The following DPP6 variants were observed in gnomAD, a reference collection of about 807,000 sequenced individuals.
DPP6 encodes A-type potassium channel modulatory protein DPP6.
In DPP6, 69 loss-of-function variants were observed where a neutral mutation model predicts 122.6. The ratio of observed to expected loss-of-function variants is 0.56; its 90% CI spans 0.46 to 0.69. DPP6 has a LOEUF of 0.69. DPP6 is among the 30% of genes least tolerant of loss of function. The pLI, the probability that DPP6 is intolerant of heterozygous loss-of-function variation, is 0.00. For synonymous variants in DPP6, 418 were observed against 433.1 expected (o/e 0.97, Z 0.43); for missense variants, 928 against 1,116.9 (o/e 0.83, Z 2.41).
chr7:153,915,321 C>T (rs575991275), intron 1 of DPP6, among the ~76,000 whole-genome samples: 1 of 152,268 alleles, frequency 6.6e-6, no homozygotes, highest in Admixed American at 6.5e-5. Flanking sequence ...ATGACACCCC[C>T]AGTCCCTAGC....
chr7:154,112,240 T>C (rs944170219), intron 1 of DPP6, among the ~76,000 whole-genome samples: 1 of 152,118 alleles, frequency 6.6e-6, no homozygotes, highest in Non-Finnish European at 1.5e-5. Context: ...AGTGACTTTC[T>C]GTGAAAGAGA....
At chr7:154,150,357 C>T (rs925009442) in intron 1 of DPP6, among the ~76,000 whole-genome samples, 5 of 152,180 alleles carry the variant, frequency 3.3e-5, no homozygotes, top group African/African-American at 1.2e-4. Context: ...GAAACCAATC[C>T]TGGGAGCACA....
At chr7:154,216,493 T>G (rs1242522687) in intron 1 of DPP6, among the ~76,000 whole-genome samples, 2 of 152,146 alleles carry the variant, frequency 1.3e-5, no homozygotes, top group Non-Finnish European at 2.9e-5. Flanking sequence ...GGCAGGGCCT[T>G]CAGGAGCTCG....
chr7:154,845,241 T>C (rs1801852413), intron 16 of DPP6, among the ~76,000 whole-genome samples: 1 of 152,200 alleles, frequency 6.6e-6, no homozygotes, highest in African/African-American at 2.4e-5. Context: ...GATTTCAGAA[T>C]GTGTTTGTCT....
chr7:154,614,560 C>A (rs1834111727), intron 5 of DPP6, among the ~76,000 whole-genome samples: 1 of 152,134 alleles, frequency 6.6e-6, no homozygotes, highest in Non-Finnish European at 1.5e-5. Flanking sequence ...AGTTATCTCA[C>A]CTTTGCTTGA....
intron 1 of DPP6, among the ~76,000 whole-genome samples, chr7:153,953,392 A>G (rs1802310510): frequency 6.6e-6 from 1 of 152,154 alleles, no homozygotes; most frequent in African/African-American, 2.4e-5. Context: ...ATCTCCAAGC[A>G]TTTCTGTAAA....
At chr7:154,514,171 G>A (rs1186939800) in intron 3 of DPP6, among the ~76,000 whole-genome samples, 1 of 152,046 alleles carries the variant, frequency 6.6e-6, no homozygotes, top group Non-Finnish European at 1.5e-5. Flanking sequence ...AGCTGCTTGG[G>A]AGGCTGAGGC....
intron 1 of DPP6, among the ~76,000 whole-genome samples, chr7:154,301,269 G>T (rs1047960425): frequency 6.6e-6 from 1 of 152,142 alleles, no homozygotes; most frequent in African/African-American, 2.4e-5. Flanking sequence ...GTCTTTCTTT[G>T]CTAAGTATGT....
Position 154,656,131 on chromosome 7 carries a change from G to C in DPP6, c.681-13229G>C, listed in dbSNP as rs1419355898. On this transcript the variant is annotated intron_variant, in intron 6 of 25. Coordinates refer to ENST00000377770, the MANE Select transcript of DPP6 (RefSeq NM_130797.4). ...CCAGGACACTGGATTTTAAAGGGTG[G>C]GCAGAGAAGATCCCACAGAGACGAG... Among the ~76,000 whole-genome samples, 12 of 150,416 alleles carry C rather than the reference G, an allele frequency of 8.0e-5. No homozygotes were observed. The South Asian group carries it at 1.7e-3, about 22-fold the overall frequency.
chr7:154,482,773 C>G (rs1823420873), intron 3 of DPP6, among the ~76,000 whole-genome samples: 1 of 152,120 alleles, frequency 6.6e-6, no homozygotes, highest in Non-Finnish European at 1.5e-5. Flanking sequence ...AAGGAAGTGG[C>G]AGGTGTAAAA....
At chr7:154,201,681 A>G (rs1799181172) in intron 1 of DPP6, among the ~76,000 whole-genome samples, 1 of 152,200 alleles carries the variant, frequency 6.6e-6, no homozygotes, top group South Asian at 2.1e-4. Context: ...GTACAGCTGC[A>G]GATAGATCCA....
chr7:154,397,991 A>T (rs1308611506), intron 1 of DPP6, among the ~76,000 whole-genome samples: 2 of 152,210 alleles, frequency 1.3e-5, no homozygotes, highest in Non-Finnish European at 2.9e-5. Context: ...TTTCCCTAAA[A>T]ATACATTTCT....
At chr7:154,441,641 A>G (rs1345417940) in intron 1 of DPP6, among the ~76,000 whole-genome samples, 1 of 152,194 alleles carries the variant, frequency 6.6e-6, no homozygotes, top group Non-Finnish European at 1.5e-5. Context: ...AACAGAGAGG[A>G]GAGAACAGGG....
At chr7:154,354,222 G>A (rs6970651) in intron 1 of DPP6, among the ~76,000 whole-genome samples, 15,266 of 152,208 alleles carry the variant, frequency 0.1, 1,992 homozygotes, top group African/African-American at 0.3. Flanking sequence ...GTTTCTAGTC[G>A]TCTCAACTTG....
At chr7:154,055,029 A>T (rs533670886) in intron 1 of DPP6, among the ~76,000 whole-genome samples, 1 of 151,488 alleles carries the variant, frequency 6.6e-6, no homozygotes, top group East Asian at 1.9e-4. Context: ...GGGATATAAC[A>T]TGTACATTTG....
At chr7:154,846,015 C>G (rs987231216) in intron 16 of DPP6, among the ~76,000 whole-genome samples, 1 of 152,082 alleles carries the variant, frequency 6.6e-6, no homozygotes, top group African/African-American at 2.4e-5. Context: ...TGCAGGGCCT[C>G]TGTGGAGATA....
At chr7:154,407,310 A>T (rs1039879506) in intron 1 of DPP6, among the ~76,000 whole-genome samples, 3 of 152,180 alleles carry the variant, frequency 2.0e-5, no homozygotes, top group African/African-American at 7.2e-5. Flanking sequence ...TTGGTTCATC[A>T]TGGTTCCCTT....
At chr7:154,803,789 C>A in intron 13 of DPP6, 75 bp from the exon 14 acceptor site, 1 of 1,539,662 alleles carries the variant, frequency 6.5e-7, no homozygotes, top group South Asian at 1.2e-5. Context: ...GTGTCCAAAA[C>A]AGTTGGAGGA....
chr7:153,953,186 C>T (rs892372841), intron 1 of DPP6, among the ~76,000 whole-genome samples: 2 of 152,064 alleles, frequency 1.3e-5, no homozygotes, highest in Admixed American at 6.6e-5. Flanking sequence ...TGTCAAAACA[C>T]TTTTTTAAAA....
Sources: gnomAD v4.1 joint callset for allele counts (sites outside exome capture counted in the v4.1 genomes callset) on GRCh38, gnomAD v4.1.1 for gene constraint, MANE v1.5 for transcripts, NCBI Gene and HGNC (gene_info 2026-07-23, HGNC 2026-07-21) for gene names.